The following EPDR1 variants were observed in gnomAD, a reference collection of about 807,000 sequenced individuals.
The protein encoded by EPDR1 is mammalian ependymin-related protein 1.
EPDR1 carries 27 observed loss-of-function variants against 23.7 expected under a neutral mutation model. That is an observed-to-expected ratio of 1.14 (90% CI 0.84 to 1.57). EPDR1 has a LOEUF of 1.57. Among genes scored for constraint, EPDR1 ranks in the 40% most tolerant of loss-of-function variants. The pLI is 0.00. For synonymous variants in EPDR1, 137 were observed against 118.2 expected (o/e 1.16, Z -1.03); for missense variants, 349 against 290.4 (o/e 1.20, Z -1.47).
intron 1 of EPDR1, among the ~76,000 whole-genome samples, chr7:37,948,373 G>C (rs1209316886): frequency 1.3e-5 from 2 of 149,888 alleles, no homozygotes; most frequent in South Asian, 4.2e-4. Context: ...TGGTGGACGG[G>C]ATCTCACCCA....
At chr7:37,928,353 T>G (rs1183889020) in intron 1 of EPDR1, among the ~76,000 whole-genome samples, 1 of 152,106 alleles carries the variant, frequency 6.6e-6, no homozygotes, top group African/African-American at 2.4e-5. Context: ...GTAAAAAATT[T>G]CTATTTTCCC....
chr7:37,937,984 A>ATTTTTTTTTTTTTTTTTTTTT (rs1347900474), intron 1 of EPDR1, among the ~76,000 whole-genome samples: 5 of 62,244 alleles, frequency 8.0e-5, no homozygotes, highest in Admixed American at 4.2e-4. Context: ...GTGCCCTTTA[A>ATTTTTTTTTTTTTTTTTTTTT]ATTTTTTTTT....
intron 1 of EPDR1, among the ~76,000 whole-genome samples, chr7:37,922,674 G>GT (rs61428780): frequency 8.0e-5 from 12 of 150,328 alleles, no homozygotes; most frequent in African/African-American, 2.5e-4. Flanking sequence ...CTAGGGGGGG[G>GT]TTCTGACGCC....
chr7:37,948,161 G>A (rs1006665939), intron 1 of EPDR1, among the ~76,000 whole-genome samples: 2 of 151,910 alleles, frequency 1.3e-5, no homozygotes, highest in African/African-American at 2.4e-5. Flanking sequence ...TGAGTGCTGT[G>A]AGAGAAAATG....
At chr7:37,936,360 T>C (rs900732933) in intron 1 of EPDR1, among the ~76,000 whole-genome samples, 14 of 152,206 alleles carry the variant, frequency 9.2e-5, no homozygotes, top group African/African-American at 3.4e-4. Context: ...ACAACCTGTG[T>C]AGTTCTTAAT....
At chr7:37,949,246 T>C (rs563558142) in intron 2 of EPDR1, among the ~76,000 whole-genome samples, 198 bp downstream of exon 2, 22 of 152,336 alleles carry the variant, frequency 1.4e-4, no homozygotes, top group African/African-American at 5.1e-4. Flanking sequence ...ACCTCAGCCT[T>C]CTAGTGCCAC....
Position 37,938,805 on chromosome 7 carries a change from C to T in EPDR1, c.270-10035C>T, listed in dbSNP as rs535987903. Among the ~76,000 whole-genome samples, 10 of 152,208 alleles carry T rather than the reference C, an allele frequency of 6.6e-5. No homozygotes were observed. In the South Asian group the frequency reaches 1.2e-3, roughly 19 times the overall value. On this transcript the variant is annotated intron_variant, in intron 1 of 2. Transcript: ENST00000199448. ...TGCTCTTCTCTGCAGCTGATTGGGCCGCCACAATTGTTTCAGTACCCTTGG... is the reference window on the plus strand; with the variant it reads ...TGCTCTTCTCTGCAGCTGATTGGGCTGCCACAATTGTTTCAGTACCCTTGG...
At chr7:37,929,751 G>A (rs1785891575) in intron 1 of EPDR1, among the ~76,000 whole-genome samples, 1 of 152,126 alleles carries the variant, frequency 6.6e-6, no homozygotes, top group Non-Finnish European at 1.5e-5. Flanking sequence ...CAGTAGGGTT[G>A]AAGTGGAGGG....
In EPDR1 at chr7:37,936,035, T is replaced by TACAC. The variant is rs1399603390; in HGVS notation, c.270-12804_270-12803insCACA. ...ATATATATATATATATATATATATA[T>TACAC]ATATACACAAGGGAAATGTGAATCT... On this transcript the variant is annotated intron_variant, in intron 1 of 2. Coordinates refer to ENST00000199448, the MANE Select transcript of EPDR1 (RefSeq NM_017549.5). 3.2e-5 allele frequency among the ~76,000 whole-genome samples: 3 copies of TACAC among 95,134 alleles called. 1 individual carries two copies. The highest frequency in any genetic ancestry group is 1.1e-4 in the Admixed American group (1 of 9,354). The allele number at this position is 95,134 out of a possible 152,430, so 62.4% of individuals were successfully genotyped here.
At chr7:37,921,856 G>T (rs1785712290) in intron 1 of EPDR1, among the ~76,000 whole-genome samples, 1 of 152,118 alleles carries the variant, frequency 6.6e-6, no homozygotes, top group South Asian at 2.1e-4. Context: ...ACTTAACATT[G>T]TCCCTTATAT....
chr7:37,930,135 T>C (rs1785903987), intron 1 of EPDR1, among the ~76,000 whole-genome samples: 1 of 152,202 alleles, frequency 6.6e-6, no homozygotes, highest in African/African-American at 2.4e-5. Flanking sequence ...AGAAGGCTGC[T>C]TTTGTTGTGG....
At chr7:37,927,002 C>A (rs1583662452) in intron 1 of EPDR1, among the ~76,000 whole-genome samples, 1 of 152,160 alleles carries the variant, frequency 6.6e-6, no homozygotes, top group African/African-American at 2.4e-5. Context: ...TTTCTATGTT[C>A]TTTTGATGTG....
chr7:37,923,233 C>T (rs1024352977), intron 1 of EPDR1, among the ~76,000 whole-genome samples: 1 of 152,160 alleles, frequency 6.6e-6, no homozygotes, highest in Non-Finnish European at 1.5e-5. Context: ...AGTGAGAACA[C>T]AATCTTGGAG....
intron 1 of EPDR1, among the ~76,000 whole-genome samples, chr7:37,926,378 C>A (rs1785812168): frequency 6.8e-6 from 1 of 146,582 alleles, no homozygotes; most frequent in Admixed American, 7.1e-5. Flanking sequence ...AACCACAATA[C>A]AACCATAAAA....
chr7:37,935,476 A>G (rs1786029615), intron 1 of EPDR1, among the ~76,000 whole-genome samples: 1 of 152,178 alleles, frequency 6.6e-6, no homozygotes, highest in African/African-American at 2.4e-5. Context: ...ACAATTTTAT[A>G]TCTATTATCT....
At chr7:37,927,539 C>T (rs1290326830) in intron 1 of EPDR1, among the ~76,000 whole-genome samples, 2 of 152,158 alleles carry the variant, frequency 1.3e-5, no homozygotes, top group Admixed American at 6.5e-5. Context: ...CTTCCTTGGT[C>T]CTACCTAGTG....
At chr7:37,927,538 T>TCCTA (rs1364520481) in intron 1 of EPDR1, among the ~76,000 whole-genome samples, 2 of 152,200 alleles carry the variant, frequency 1.3e-5, no homozygotes, top group African/African-American at 4.8e-5. Flanking sequence ...TCTTCCTTGG[T>TCCTA]CCTACCTAGT....
At chr7:37,938,484 C>G (rs2598103) in intron 1 of EPDR1, among the ~76,000 whole-genome samples, 51,524 of 151,954 alleles carry the variant, frequency 0.34, 8,901 homozygotes, top group South Asian at 0.46. Flanking sequence ...TCTGCTAAAG[C>G]TTTGGCTAAC....
In EPDR1 at chr7:37,938,987, T is replaced by G. The variant is rs1042542930; in HGVS notation, c.270-9853T>G. Among the ~76,000 whole-genome samples the G allele has an allele frequency of 8.6e-5, 13 of 151,880 alleles. 1 individual carries two copies. The highest frequency in any genetic ancestry group is 2.9e-4 in the African/African-American group (12 of 41,420). On this transcript the variant is annotated intron_variant, in intron 1 of 2. Transcript: ENST00000199448. ...GTACAATTAGGGCATGACCAATTTT[T>G]TTTTTTTTTGAGATGGAGTCTCACT...
Sources: gnomAD v4.1 joint callset for allele counts (sites outside exome capture counted in the v4.1 genomes callset) on GRCh38, gnomAD v4.1.1 for gene constraint, MANE v1.5 for transcripts, NCBI Gene and HGNC (gene_info 2026-07-23, HGNC 2026-07-21) for gene names.